The following ETV6 variants were observed in gnomAD, a reference collection of about 807,000 sequenced individuals.
ETV6 encodes ETS variant transcription factor 6, also known as transcription factor ETV6.
In ETV6, 16 loss-of-function variants were observed where a neutral mutation model predicts 51.1. The observed-to-expected ratio is 0.31, with a 90% CI of 0.21 to 0.48. ETV6 has a LOEUF of 0.48. Ranked by LOEUF, ETV6 falls within the 20% of genes least tolerant of loss-of-function variation. ETV6 has a pLI of 0.99. For missense variants in ETV6, 458 were observed against 594.8 expected (o/e 0.77, Z 2.39); for synonymous variants, 240 against 224.1 (o/e 1.07, Z -0.64).
intron 1 of ETV6, among the ~76,000 whole-genome samples, chr12:11,747,443 G>A (rs1035220349): frequency 6.6e-6 from 1 of 152,086 alleles, no homozygotes; most frequent in Non-Finnish European, 1.5e-5. Context: ...CTGTGATTTG[G>A]TGGATGTGGA....
At chr12:11,797,939 G>C (rs562153756) in intron 2 of ETV6, among the ~76,000 whole-genome samples, 1 of 152,208 alleles carries the variant, frequency 6.6e-6, no homozygotes, top group Non-Finnish European at 1.5e-5. Context: ...ATATAAGATA[G>C]TTTTGTGTGA....
chr12:11,852,561 T>C (rs1336630220), intron 3 of ETV6, among the ~76,000 whole-genome samples: 2 of 152,242 alleles, frequency 1.3e-5, no homozygotes, highest in Non-Finnish European at 2.9e-5. Flanking sequence ...GAGTTGTCAT[T>C]GGAGCATTAC....
At chr12:11,704,850 A>G (rs180852334) in intron 1 of ETV6, among the ~76,000 whole-genome samples, 9 of 152,278 alleles carry the variant, frequency 5.9e-5, no homozygotes, top group African/African-American at 2.2e-4. Flanking sequence ...AATAGAATAT[A>G]GTTTTATTAA....
chr12:11,736,729 A>G (rs888706112), intron 1 of ETV6, among the ~76,000 whole-genome samples: 5 of 152,214 alleles, frequency 3.3e-5, no homozygotes, highest in East Asian at 1.9e-4. Flanking sequence ...GAGCGCATCT[A>G]CTGGAGAGGA....
intron 2 of ETV6, among the ~76,000 whole-genome samples, chr12:11,755,555 C>CTGCT (rs1340295268): frequency 6.6e-6 from 1 of 152,148 alleles, no homozygotes; most frequent in Non-Finnish European, 1.5e-5. Flanking sequence ...CAGGGTTCTG[C>CTGCT]TGCTTGTCAT....
Position 11,892,267 on chromosome 12 carries a change from CCACTGGA to C in ETV6, c.*1225_*1231del, listed in dbSNP as rs1292866794. On this transcript the variant is annotated 3_prime_UTR_variant, in exon 8 of 8. Transcript: ENST00000396373. ...AACCTTTTTTAAAGTTTCCTGGTCTCCACTGGACACAGAGCTTTGGAGACGGAGGATC... is the reference window on the plus strand; with the variant it reads ...AACCTTTTTTAAAGTTTCCTGGTCTCCACAGAGCTTTGGAGACGGAGGATC... 4.7e-6 allele frequency: 1 copy of C among 211,192 alleles called. No individual in the cohort carries two copies. The highest frequency in any genetic ancestry group is 8.8e-6 in the Non-Finnish European group (1 of 113,056). The allele number at this position is 211,192 out of a possible 1,614,324, so 13.1% of individuals were successfully genotyped here.
At chr12:11,677,939 G>A (rs11054413) in intron 1 of ETV6, among the ~76,000 whole-genome samples, 20 of 152,206 alleles carry the variant, frequency 1.3e-4, no homozygotes, top group African/African-American at 2.9e-4. Flanking sequence ...GCTTCCCCTC[G>A]TGCAGTTCTC....
intron 3 of ETV6, among the ~76,000 whole-genome samples, chr12:11,842,821 G>T (rs1375980743): frequency 6.6e-6 from 1 of 152,202 alleles, no homozygotes; most frequent in Non-Finnish European, 1.5e-5. Flanking sequence ...GTGAAGCCCA[G>T]ACTGGATCAG....
intron 3 of ETV6, among the ~76,000 whole-genome samples, chr12:11,848,373 C>T (rs1946495704): frequency 6.6e-6 from 1 of 152,186 alleles, no homozygotes; most frequent in South Asian, 2.1e-4. Flanking sequence ...AAATTCTTTC[C>T]TCTAAAATTA....
At chr12:11,702,728 A>G (rs1019958036) in intron 1 of ETV6, among the ~76,000 whole-genome samples, 9 of 152,236 alleles carry the variant, frequency 5.9e-5, no homozygotes, top group African/African-American at 2.2e-4. Context: ...CCAGGAAGAC[A>G]TAGTCGTTGT....
At chr12:11,698,386 G>A (rs903173484) in intron 1 of ETV6, among the ~76,000 whole-genome samples, 1 of 152,218 alleles carries the variant, frequency 6.6e-6, no homozygotes, top group African/African-American at 2.4e-5. Flanking sequence ...TCTGCAAAGG[G>A]TCTCAGAAGG....
chr12:11,680,212 C>T (rs901636270), intron 1 of ETV6, among the ~76,000 whole-genome samples: 1 of 152,188 alleles, frequency 6.6e-6, no homozygotes, highest in African/African-American at 2.4e-5. Context: ...ACTACTCTGG[C>T]CCCTTCAGAT....
intron 2 of ETV6, among the ~76,000 whole-genome samples, chr12:11,777,642 A>C (rs929765705): frequency 6.6e-6 from 1 of 152,006 alleles, no homozygotes; most frequent in East Asian, 1.9e-4. Flanking sequence ...AAGTAGGATA[A>C]ATGCACCAGC....
intron 1 of ETV6, among the ~76,000 whole-genome samples, chr12:11,739,791 A>T (rs947800953): frequency 3.3e-5 from 5 of 152,362 alleles, no homozygotes; most frequent in Middle Eastern, 3.4e-3. Context: ...TGTAGCTACC[A>T]GAAAATGTTA....
At chr12:11,800,255 T>A (rs1361266441) in intron 2 of ETV6, among the ~76,000 whole-genome samples, 1 of 152,086 alleles carries the variant, frequency 6.6e-6, no homozygotes, top group Non-Finnish European at 1.5e-5. Context: ...CCCATCCCCA[T>A]CACATTTTAA....
intron 1 of ETV6, among the ~76,000 whole-genome samples, chr12:11,749,284 CCCAT>C (rs1865967224): frequency 7.5e-6 from 1 of 132,986 alleles, no homozygotes; most frequent in Admixed American, 8.0e-5. Context: ...CGTTATCCCC[CCCAT>C]ACACACACAC....
chr12:11,684,285 A>G (rs932600671), intron 1 of ETV6, among the ~76,000 whole-genome samples: 1 of 152,248 alleles, frequency 6.6e-6, no homozygotes, highest in Non-Finnish European at 1.5e-5. Flanking sequence ...GCCCTGTGGC[A>G]TTTTTTGAAA....
chr12:11,669,986 C>T (rs950634895), intron 1 of ETV6, among the ~76,000 whole-genome samples: 12 of 152,278 alleles, frequency 7.9e-5, no homozygotes, highest in African/African-American at 1.4e-4. Context: ...CTCTGCTTTT[C>T]GATGATTCTA....
At chr12:11,708,720 A>G (rs1865117100) in intron 1 of ETV6, among the ~76,000 whole-genome samples, 2 of 152,196 alleles carry the variant, frequency 1.3e-5, no homozygotes, top group Non-Finnish European at 2.9e-5. Flanking sequence ...ACTTCCAGAA[A>G]GCTGACACCC....
Sources: gnomAD v4.1 joint callset for allele counts (sites outside exome capture counted in the v4.1 genomes callset) on GRCh38, gnomAD v4.1.1 for gene constraint, MANE v1.5 for transcripts, NCBI Gene and HGNC (gene_info 2026-07-23, HGNC 2026-07-21) for gene names.